Variants in GABBR2 observed in about 807,000 individuals in gnomAD.
GABBR2 encodes the protein gamma-aminobutyric acid type B receptor subunit 2.
In GABBR2, 23 loss-of-function variants were observed where a neutral mutation model predicts 105.6. The observed-to-expected ratio is 0.22, with a 90% CI of 0.16 to 0.31. The LOEUF is 0.31. GABBR2 is among the 10% of genes least tolerant of loss of function. The pLI, the probability that GABBR2 is intolerant of heterozygous loss-of-function variation, is 1.00. For missense variants in GABBR2, 734 were observed against 1,245.5 expected (o/e 0.59, Z 6.18); for synonymous variants, 478 against 499.7 (o/e 0.96, Z 0.58).
At chr9:98,507,558 G>C (rs942946133) in intron 3 of GABBR2, among the ~76,000 whole-genome samples, 3 of 152,166 alleles carry the variant, frequency 2.0e-5, no homozygotes, top group African/African-American at 7.2e-5. Context: ...AGAACTATAA[G>C]ATAATAATTT....
In GABBR2 at chr9:98,299,361, A is replaced by G. The variant is rs776658839; in HGVS notation, c.2413-8T>C. On this transcript the variant is annotated splice_polypyrimidine_tract_variant and splice_region_variant and intron_variant, in intron 16 of 18. Coordinates refer to ENST00000259455, the MANE Select transcript of GABBR2 (RefSeq NM_005458.8). ...TTCCAAGTCTTTATCCAGCTACAAG[A>G]CAAAGGTTCCAGTTGAGTCAGGTCC... is the stretch of plus-strand genomic sequence containing the variant. 5 of 1,613,770 alleles carry G rather than the reference A, an allele frequency of 3.1e-6. No homozygotes were observed. The highest frequency in any genetic ancestry group is 4.2e-6 in the Non-Finnish European group (5 of 1,180,002).
At chr9:98,386,199 A>G (rs572432573) in intron 10 of GABBR2, among the ~76,000 whole-genome samples, 25 of 149,890 alleles carry the variant, frequency 1.7e-4, no homozygotes, top group African/African-American at 5.9e-4. Flanking sequence ...AAACAAAAGC[A>G]TTAAGTCAAC....
At chr9:98,394,118 T>C (rs1832244246) in intron 9 of GABBR2, 57 bp downstream of exon 9, 3 of 1,246,756 alleles carry the variant, frequency 2.4e-6, no homozygotes, top group Non-Finnish European at 3.5e-6. Context: ...TTAGACAATG[T>C]CCAGGCTTGG....
intron 1 of GABBR2, among the ~76,000 whole-genome samples, chr9:98,689,790 T>C (rs183816115): frequency 1.3e-5 from 2 of 152,232 alleles, no homozygotes; most frequent in African/African-American, 4.8e-5. Flanking sequence ...GCTTTTAAAT[T>C]GGTTTCTTAT....
At chr9:98,659,407 T>C (rs1274247127) in intron 1 of GABBR2, among the ~76,000 whole-genome samples, 1 of 151,996 alleles carries the variant, frequency 6.6e-6, no homozygotes, top group African/African-American at 2.4e-5. Flanking sequence ...GGTCAGCAAA[T>C]GTTTTCTGTA....
intron 7 of GABBR2, among the ~76,000 whole-genome samples, chr9:98,418,261 G>A (rs1832722704): frequency 6.6e-6 from 1 of 152,150 alleles, no homozygotes; most frequent in African/African-American, 2.4e-5. Flanking sequence ...GAGGGAGGCT[G>A]GGCATGGTGG....
intron 12 of GABBR2, among the ~76,000 whole-genome samples, chr9:98,369,531 G>C (rs907548178): frequency 2.0e-5 from 3 of 152,212 alleles, no homozygotes; most frequent in African/African-American, 7.2e-5. Context: ...CAGAAGTCCT[G>C]AAAGACTAAG....
At chr9:98,666,019 C>T (rs781269352) in intron 1 of GABBR2, among the ~76,000 whole-genome samples, 5 of 152,190 alleles carry the variant, frequency 3.3e-5, no homozygotes, top group Non-Finnish European at 5.9e-5. Flanking sequence ...GATCCACTAA[C>T]GCAGATCCTA....
chr9:98,431,886 T>C (rs1007945979), intron 7 of GABBR2, among the ~76,000 whole-genome samples: 3 of 151,954 alleles, frequency 2.0e-5, no homozygotes, highest in Non-Finnish European at 4.4e-5. Context: ...TTATTATCAC[T>C]ATTTTTATTT....
intron 5 of GABBR2, among the ~76,000 whole-genome samples, chr9:98,478,740 C>T (rs1826848140): frequency 2.0e-5 from 3 of 152,236 alleles, no homozygotes; most frequent in Non-Finnish European, 4.4e-5. Context: ...ATCACAGTCA[C>T]ACCTGGGCTT....
At chr9:98,409,583 C>T (rs948543230) in intron 7 of GABBR2, among the ~76,000 whole-genome samples, 1 of 152,196 alleles carries the variant, frequency 6.6e-6, no homozygotes. Context: ...CCCTCCTCCC[C>T]AGCGGCTAGC....
Position 98,637,948 on chromosome 9 carries a change from G to A in GABBR2, c.322-59876C>T, listed in dbSNP as rs554522966. Reference sequence around the variant, plus strand: ...AGTAACATACTATATACTGGATAGTGTACATGTAGTATTCCATTTAACAAA... The same window carrying A: ...AGTAACATACTATATACTGGATAGTATACATGTAGTATTCCATTTAACAAA... On this transcript the variant is annotated intron_variant, in intron 1 of 18. Coordinates refer to ENST00000259455, the MANE Select transcript of GABBR2 (RefSeq NM_005458.8). 1.7e-4 allele frequency among the ~76,000 whole-genome samples: 26 copies of A among 152,320 alleles called. No individual in the cohort carries two copies. The East Asian group carries it at 4.4e-3, about 26-fold the overall frequency.
intron 1 of GABBR2, among the ~76,000 whole-genome samples, chr9:98,599,107 G>A (rs1342885594): frequency 6.6e-6 from 1 of 152,150 alleles, no homozygotes; most frequent in Non-Finnish European, 1.5e-5. Flanking sequence ...GGCAGAGAAG[G>A]CCTCATTCCT....
chr9:98,668,656 C>T (rs1414151709), intron 1 of GABBR2, among the ~76,000 whole-genome samples: 1 of 152,162 alleles, frequency 6.6e-6, no homozygotes, highest in Non-Finnish European at 1.5e-5. Context: ...GCTCTATACC[C>T]ATTAAACACT....
intron 2 of GABBR2, among the ~76,000 whole-genome samples, chr9:98,574,859 T>A (rs1164917338): frequency 1.3e-5 from 2 of 152,136 alleles, no homozygotes; most frequent in Non-Finnish European, 2.9e-5. Context: ...TCAGCTGGAT[T>A]CCTCTCTGGG....
intron 7 of GABBR2, among the ~76,000 whole-genome samples, chr9:98,440,982 G>A (rs1027872275): frequency 2.6e-5 from 4 of 152,120 alleles, no homozygotes; most frequent in African/African-American, 9.7e-5. Flanking sequence ...CTTCAGATTC[G>A]TTTTTCATAT....
intron 13 of GABBR2, among the ~76,000 whole-genome samples, chr9:98,346,218 G>A (rs138792615): frequency 9.7e-4 from 147 of 152,310 alleles, no homozygotes; most frequent in African/African-American, 3.5e-3. Context: ...AATGCTGTTT[G>A]ATAGCATTTT....
intron 7 of GABBR2, among the ~76,000 whole-genome samples, chr9:98,410,120 A>ATT (rs564055730): frequency 6.8e-6 from 1 of 147,270 alleles, no homozygotes; most frequent in African/African-American, 2.5e-5. Context: ...TTGAGCTGGA[A>ATT]TTTTTTTTTT....
chr9:98,417,531 C>T (rs74615314), intron 7 of GABBR2, among the ~76,000 whole-genome samples: 1 of 152,286 alleles, frequency 6.6e-6, no homozygotes, highest in Non-Finnish European at 1.5e-5. Flanking sequence ...CTGTCCCCAA[C>T]TCCATGTGTA....
Sources: gnomAD v4.1 joint callset for allele counts (sites outside exome capture counted in the v4.1 genomes callset) on GRCh38, gnomAD v4.1.1 for gene constraint, MANE v1.5 for transcripts, NCBI Gene and HGNC (gene_info 2026-07-23, HGNC 2026-07-21) for gene names.